KIF9: variants seen among roughly 807,000 people sequenced by gnomAD.
KIF9 encodes kinesin-like protein KIF9.
In KIF9, 68 loss-of-function variants were observed where a neutral mutation model predicts 94.8. That is an observed-to-expected ratio of 0.72 (90% CI 0.59 to 0.88). KIF9 has a LOEUF of 0.88. Among genes scored for constraint, KIF9 ranks in the 40% least tolerant of loss-of-function variants. The probability of loss-of-function intolerance (pLI) is 0.00; values close to 1 mark genes in which losing one functional copy is unlikely to be tolerated. For missense variants in KIF9, 882 were observed against 982.5 expected, an observed-to-expected ratio of 0.90 and a Z score of 1.37; for synonymous variants, 343 against 362.1, an observed-to-expected ratio of 0.95 and a Z score of 0.60.
intron 4 of KIF9, among the ~76,000 whole-genome samples, chr3:47,273,087 T>C (rs1214250164): frequency 6.6e-6 from 1 of 152,196 alleles, no homozygotes; most frequent in Non-Finnish European, 1.5e-5. Flanking sequence ...GCTGACACAG[T>C]CCTGAAAGCT....
chr3:47,257,636 C>T, intron 9 of KIF9, 76 bp from the exon 10 acceptor site: 1 of 1,263,106 alleles, frequency 7.9e-7, no homozygotes, highest in Non-Finnish European at 1.1e-6. Context: ...TTCTCAGAGA[C>T]CTTGCCTGCC....
intron 8 of KIF9, 116 bp downstream of exon 8, chr3:47,265,614 T>C: frequency 1.8e-6 from 2 of 1,085,290 alleles, no homozygotes; most frequent in Non-Finnish European, 2.7e-6. Context: ...GTGCTGCAGG[T>C]GAATCCATGC....
chr3:47,263,581 C>G (rs1701114276), intron 9 of KIF9: 1 of 293,162 alleles, frequency 3.4e-6, no homozygotes, highest in Non-Finnish European at 6.8e-6. Context: ...TTCAGTCCCA[C>G]TATTACCTCT....
At chr3:47,242,441 T>C (rs1024356688) in intron 16 of KIF9, among the ~76,000 whole-genome samples, 2 of 152,142 alleles carry the variant, frequency 1.3e-5, no homozygotes, top group African/African-American at 4.8e-5. Flanking sequence ...GGGAGGATGG[T>C]TGGTGTACAG....
intron 16 of KIF9, among the ~76,000 whole-genome samples, chr3:47,241,866 A>C (rs1699566033): frequency 1.1e-5 from 1 of 92,360 alleles, no homozygotes; most frequent in Non-Finnish European, 1.9e-5. Flanking sequence ...ATATATACAC[A>C]TATATATATA....
At chr3:47,274,464 T>C (rs986285333) in intron 3 of KIF9, among the ~76,000 whole-genome samples, 2 of 152,244 alleles carry the variant, frequency 1.3e-5, no homozygotes, top group African/African-American at 4.8e-5. Context: ...CAGGCAATGC[T>C]GGGCTGTGAA....
chr3:47,246,109 G>A, intron 13 of KIF9, 88 bp downstream of exon 13: 1 of 1,032,844 alleles, frequency 9.7e-7, no homozygotes, highest in African/African-American at 2.8e-5. Context: ...CAAGCAAGAA[G>A]AGGAGCTCTT....
At chr3:47,242,074 A>AGT (rs1222086504) in intron 16 of KIF9, among the ~76,000 whole-genome samples, 3 of 151,526 alleles carry the variant, frequency 2.0e-5, no homozygotes, top group African/African-American at 7.3e-5. Context: ...ATAGAGACAG[A>AGT]GTCCCACTAT....
chr3:47,234,972 C>T (rs752788902), intron 20 of KIF9, among the ~76,000 whole-genome samples: 5 of 152,242 alleles, frequency 3.3e-5, no homozygotes, highest in African/African-American at 7.2e-5. Context: ...GCTTCTGCCC[C>T]GTGTGCATCT....
chr3:47,261,721 G>A (rs565455227), intron 9 of KIF9, among the ~76,000 whole-genome samples: 5 of 152,310 alleles, frequency 3.3e-5, no homozygotes, highest in Non-Finnish European at 5.9e-5. Context: ...AAGGTGAAGG[G>A]AGAGCTGCCT....
Position 47,273,537 on chromosome 3 carries a change from G to A in KIF9, c.366+15C>T, listed in dbSNP as rs749250228. 9.5e-6 allele frequency: 15 copies of A among 1,573,052 alleles called. No individual in the cohort carries two copies. Among genetic ancestry groups the A allele is most frequent in the Non-Finnish European group, 1.3e-5 (15 of 1,155,186 alleles). Reference sequence around the variant, plus strand: ...GGAACCTGTGTGGCATCCCACCCTTGGGCCCACTCTCTACCTGCTGCAGGG... The same window carrying A: ...GGAACCTGTGTGGCATCCCACCCTTAGGCCCACTCTCTACCTGCTGCAGGG... On this transcript the variant is annotated intron_variant, in intron 4 of 20. Transcript: ENST00000684063.
chr3:47,273,724 C>T (rs1014696188), intron 3 of KIF9, 66 bp from the exon 4 acceptor site: 2 of 1,409,206 alleles, frequency 1.4e-6, no homozygotes, highest in Admixed American at 1.9e-5. Flanking sequence ...TCCCCTCTCC[C>T]AGCATGCCTG....
intron 4 of KIF9, among the ~76,000 whole-genome samples, chr3:47,272,198 C>G (rs1341907467): frequency 1.3e-5 from 2 of 152,084 alleles, no homozygotes; most frequent in Admixed American, 1.3e-4. Context: ...CAGAACTCAG[C>G]CTTCTCAACT....
At chr3:47,237,271 T>C (rs981226553) in intron 17 of KIF9, among the ~76,000 whole-genome samples, 1 of 152,198 alleles carries the variant, frequency 6.6e-6, no homozygotes, top group African/African-American at 2.4e-5. Flanking sequence ...TTTTTGTATT[T>C]GTAGTAGAGA....
intron 9 of KIF9, among the ~76,000 whole-genome samples, chr3:47,262,114 G>A (rs991085625): frequency 3.9e-5 from 6 of 152,250 alleles, no homozygotes; most frequent in African/African-American, 4.8e-5. Flanking sequence ...CGGAGACTGC[G>A]GGTACCAGGA....
chr3:47,245,616 G>T, intron 13 of KIF9, 105 bp from the exon 14 acceptor site: 1 of 807,434 alleles, frequency 1.2e-6, no homozygotes, highest in East Asian at 2.5e-5. Flanking sequence ...GAGGCCCCTT[G>T]TGTGGGGCCA....
At chr3:47,262,368 T>TC (rs1701032230) in intron 9 of KIF9, among the ~76,000 whole-genome samples, 1 of 151,600 alleles carries the variant, frequency 6.6e-6, no homozygotes, top group Non-Finnish European at 1.5e-5. Context: ...AACCTCTGCC[T>TC]CCAGGGTTCT....
intron 9 of KIF9, among the ~76,000 whole-genome samples, chr3:47,260,395 C>T (rs922718312): frequency 6.6e-6 from 1 of 152,038 alleles, no homozygotes; most frequent in Non-Finnish European, 1.5e-5. Context: ...CCCAGGTCCC[C>T]TTATTTCTTT....
intron 1 of KIF9, chr3:47,281,220 G>T (rs920412371): frequency 3.5e-6 from 2 of 564,452 alleles, no homozygotes; most frequent in African/African-American, 3.8e-5. Flanking sequence ...AGGGGCATAT[G>T]ATGTCACTCC....
Sources: gnomAD v4.1 joint callset for allele counts (sites outside exome capture counted in the v4.1 genomes callset) on GRCh38, gnomAD v4.1.1 for gene constraint, MANE v1.5 for transcripts, NCBI Gene and HGNC (gene_info 2026-07-23, HGNC 2026-07-21) for gene names.